Variants in SLC7A7 observed in about 807,000 individuals in gnomAD.
The protein encoded by SLC7A7 is Y+L amino acid transporter 1.
SLC7A7 carries 39 observed loss-of-function variants against 47.9 expected under a neutral mutation model. That is an observed-to-expected ratio of 0.81 (90% CI 0.63 to 1.06). SLC7A7 has a LOEUF of 1.06. Ranked by LOEUF, SLC7A7 falls within the 50% of genes least tolerant of loss-of-function variation. SLC7A7 has a pLI of 0.00. For missense variants in SLC7A7, 588 were observed against 632.0 expected, an observed-to-expected ratio of 0.93 and a Z score of 0.75; for synonymous variants, 234 against 242.8, an observed-to-expected ratio of 0.96 and a Z score of 0.34.
At position 22,774,497 on chromosome 14, in the gene SLC7A7, T is replaced by C; in HGVS notation, c.1102A>G (p.Met368Val). The part of the protein sequence containing the change: ...PVPSLLFNGI[M>V]ALIYLCVEDI... ...TCCACGCACAAGTAGATCAATGCCA[T>C]GATACCCTGTAAGCGTGAGCCTAAG... is the stretch of plus-strand genomic sequence containing the variant. The change falls in exon 8 of 10, where the codon ATG becomes GTG. Residue 368 changes from methionine to valine, a missense_variant. Transcript: ENST00000674313. 2 of 1,614,180 alleles carry C rather than the reference T, an allele frequency of 1.2e-6. No homozygotes were observed. Among genetic ancestry groups the C allele is most frequent in the Non-Finnish European group, 1.7e-6 (2 of 1,180,040 alleles).
At chr14:22,817,901 A>G (rs1174048493), upstream of SLC7A7, among the ~76,000 whole-genome samples, 2 of 152,124 alleles carry the variant, frequency 1.3e-5, no homozygotes, top group South Asian at 2.1e-4. Context: ...AAAGGCTCCA[A>G]CAAAGTTTGT....
rs2038513582 is a variant in SLC7A7 at position 22,773,430 on chromosome 14, G to C, written c.*180C>G. On this transcript the variant is annotated 3_prime_UTR_variant, in exon 10 of 10. Transcript: ENST00000674313. Reference sequence around the variant, plus strand: ...TTGTCCCCTTTAAAAGTCTGGAACAGTATGTAGCAAAACAAATAAATTACT... The same window carrying C: ...TTGTCCCCTTTAAAAGTCTGGAACACTATGTAGCAAAACAAATAAATTACT... The C allele has an allele frequency of 1.4e-6, 1 of 694,216 alleles. No homozygotes were observed. The highest frequency in any genetic ancestry group is 2.6e-6 in the Non-Finnish European group (1 of 378,264). 43.0% of individuals were successfully genotyped at this position (694,216 alleles called of 1,614,324 possible). A position where few individuals can be genotyped will look rare whatever the true frequency, so the allele number is the denominator to read the frequency against.
chr14:22,796,788 G>A (rs550925367), intron 2 of SLC7A7, among the ~76,000 whole-genome samples: 1 of 152,328 alleles, frequency 6.6e-6, no homozygotes, highest in East Asian at 1.9e-4. Context: ...GGACAGTCGG[G>A]TGGAGCTGGA....
At chr14:22,774,177 C>T in intron 8 of SLC7A7, 61 bp from the exon 9 acceptor site, 2 of 1,598,694 alleles carry the variant, frequency 1.3e-6, no homozygotes, top group East Asian at 4.5e-5. Context: ...GCTAAAATAA[C>T]CCCACCTCCC....
intron 2 of SLC7A7, among the ~76,000 whole-genome samples, chr14:22,811,789 T>C (rs1489568949): frequency 1.3e-5 from 2 of 148,258 alleles, no homozygotes; most frequent in African/African-American, 2.5e-5. Flanking sequence ...AAGATGGAGG[T>C]TGCAGTGAGC....
intron 2 of SLC7A7, among the ~76,000 whole-genome samples, chr14:22,788,480 A>G (rs868631266): frequency 3.2e-4 from 49 of 152,290 alleles, no homozygotes; most frequent in Admixed American, 1.8e-3. Context: ...CAAGGCGGGC[A>G]GATCACAAAG....
intron 1 of SLC7A7, among the ~76,000 whole-genome samples, chr14:22,813,662 G>C (rs2039360048): frequency 6.7e-6 from 1 of 150,280 alleles, no homozygotes; most frequent in African/African-American, 2.4e-5. Flanking sequence ...CTGTAGCCCA[G>C]GCTGGAGTGC....
chr14:22,799,802 T>A (rs66568683), intron 2 of SLC7A7, among the ~76,000 whole-genome samples: 11,952 of 152,202 alleles, frequency 0.079, 552 homozygotes, highest in African/African-American at 0.12. Flanking sequence ...CTCCCAAAAG[T>A]ATATCATCAG....
intron 2 of SLC7A7, among the ~76,000 whole-genome samples, chr14:22,812,487 A>G (rs2039326347): frequency 6.6e-6 from 1 of 151,742 alleles, no homozygotes; most frequent in Admixed American, 6.6e-5. Context: ...CTCTTGAAGG[A>G]ACAAGAAAAA....
rs757038249 is a variant in SLC7A7, at chr14:22,776,239, C to T, written c.850G>A (p.Val284Met). The T allele has an allele frequency of 6.2e-7, 1 of 1,614,180 alleles. No individual in the cohort carries two copies. The highest frequency in any genetic ancestry group is 2.2e-5 in the East Asian group (1 of 44,882). ...YILTNVAYYT[V>M]LDMRDILASD... is the part of the protein sequence containing the mutation. ...GCCAAGATGTCTCTCATGTCTAGCA[C>T]AGTATAATAGGCCACATTGGTCAAG... The change falls in exon 5 of 10, where the codon GTG becomes ATG. Residue 284 changes from valine (V) to methionine (M), a missense_variant. Transcript: ENST00000674313.
At chr14:22,777,452 T>C (rs1029410043) in intron 4 of SLC7A7, among the ~76,000 whole-genome samples, 1 of 152,138 alleles carries the variant, frequency 6.6e-6, no homozygotes, top group Non-Finnish European at 1.5e-5. Context: ...CCTTCCTCAG[T>C]TTGAGAACCT....
intron 2 of SLC7A7, among the ~76,000 whole-genome samples, chr14:22,804,386 C>A (rs1244844011): frequency 2.0e-5 from 3 of 152,186 alleles, no homozygotes; most frequent in South Asian, 2.1e-4. Context: ...TAAAGAGCTT[C>A]TGCACAGCAA....
Position 22,774,011 on chromosome 14 carries a change from G to A in SLC7A7, c.1351C>T (p.Leu451Phe). The A allele has an allele frequency of 6.2e-7, 1 of 1,614,184 alleles. No homozygotes were observed. ...AGGAAGTAAAAGGGCAGGCCTGAGA[G>A]GGCAATGGCAATGCCGATGAGGGAG... Reference protein sequence around the residue: ...INSLIGIAIALSGLPFYFLII... With the variant: ...INSLIGIAIAFSGLPFYFLII... Residue 451 changes from leucine to phenylalanine, a missense_variant, in exon 9 of 10, where the codon CTC (leucine) becomes TTC (phenylalanine). Transcript: ENST00000674313.
chr14:22,783,613 C>A (rs1405941390), intron 2 of SLC7A7, among the ~76,000 whole-genome samples: 1 of 151,844 alleles, frequency 6.6e-6, no homozygotes, highest in Non-Finnish European at 1.5e-5. Flanking sequence ...GTTAGCCAGA[C>A]TAGTCTCAAA....
chr14:22,773,481 G>T lies in SLC7A7; in HGVS notation c.*129C>A. 1 of 773,362 alleles carries T rather than the reference G, an allele frequency of 1.3e-6. No homozygotes were observed. The highest frequency in any genetic ancestry group is 2.6e-5 in the East Asian group (1 of 38,454). 47.9% of individuals were successfully genotyped at this position (773,362 alleles called of 1,614,324 possible). A position where few individuals can be genotyped will look rare whatever the true frequency, so the allele number is the denominator to read the frequency against. ...TTTCATTTCAAAAAGTAAGTTCAAA[G>T]GTTGAAGCTGCCTAGGCCAGGCTTC... On this transcript the variant is annotated 3_prime_UTR_variant, in exon 10 of 10. Transcript: ENST00000674313.
intron 2 of SLC7A7, among the ~76,000 whole-genome samples, chr14:22,799,778 A>G (rs1317189751): frequency 6.6e-6 from 1 of 152,136 alleles, no homozygotes; most frequent in African/African-American, 2.4e-5. Flanking sequence ...CAATAACCAT[A>G]TATACAATGA....
chr14:22,818,612 T>C (rs2039438227), upstream of SLC7A7, among the ~76,000 whole-genome samples: 1 of 150,832 alleles, frequency 6.6e-6, no homozygotes, highest in Non-Finnish European at 1.5e-5. Flanking sequence ...TTTTGGGTTT[T>C]TTTTACCCGA....
At chr14:22,797,434 C>T (rs1007478415) in intron 2 of SLC7A7, among the ~76,000 whole-genome samples, 4 of 152,190 alleles carry the variant, frequency 2.6e-5, no homozygotes, top group Non-Finnish European at 5.9e-5. Context: ...ATTCATTAAG[C>T]TTATATTGAG....
intron 2 of SLC7A7, among the ~76,000 whole-genome samples, chr14:22,799,074 T>C (rs1019571247): frequency 3.9e-5 from 6 of 152,064 alleles, no homozygotes; most frequent in African/African-American, 7.3e-5. Flanking sequence ...ATGATATTTC[T>C]GAAACCTGAT....
Sources: gnomAD v4.1 joint callset for allele counts (sites outside exome capture counted in the v4.1 genomes callset) on GRCh38, gnomAD v4.1.1 for gene constraint, MANE v1.5 for transcripts, NCBI Gene and HGNC (gene_info 2026-07-23, HGNC 2026-07-21) for gene names.